The following ARHGAP28 variants were observed in gnomAD, a reference collection of about 807,000 sequenced individuals.
The protein encoded by ARHGAP28 is rho GTPase-activating protein 28.
ARHGAP28 carries 56 observed loss-of-function variants against 90.7 expected under a neutral mutation model. The observed-to-expected ratio is 0.62, with a 90% CI of 0.50 to 0.77. ARHGAP28 has a LOEUF of 0.77. Among genes scored for constraint, ARHGAP28 ranks in the 30% least tolerant of loss-of-function variants. The probability of loss-of-function intolerance (pLI) is 0.00; values close to 1 mark genes in which losing one functional copy is unlikely to be tolerated. For synonymous variants in ARHGAP28, 308 were observed against 323.3 expected (o/e 0.95, Z 0.51); for missense variants, 869 against 900.9 (o/e 0.96, Z 0.45).
At chr18:6,792,619 G>A (rs915572679) in intron 1 of ARHGAP28, among the ~76,000 whole-genome samples, 1 of 152,204 alleles carries the variant, frequency 6.6e-6, no homozygotes, top group African/African-American at 2.4e-5. Context: ...TACAGTGCAA[G>A]GGGGAAGCAA....
At chr18:6,819,814 C>T (rs897875176) in intron 1 of ARHGAP28, among the ~76,000 whole-genome samples, 2 of 152,206 alleles carry the variant, frequency 1.3e-5, no homozygotes, top group African/African-American at 2.4e-5. Context: ...CCCCTTGAAG[C>T]ATTTGAAACC....
At chr18:6,814,861 T>C (rs546534577) in intron 1 of ARHGAP28, among the ~76,000 whole-genome samples, 16 of 152,338 alleles carry the variant, frequency 1.1e-4, no homozygotes, top group African/African-American at 3.4e-4. Flanking sequence ...AACCTAGAGT[T>C]CACCAAGACT....
At chr18:6,818,451 T>C (rs1481994863) in intron 1 of ARHGAP28, among the ~76,000 whole-genome samples, 3 of 152,204 alleles carry the variant, frequency 2.0e-5, no homozygotes, top group Non-Finnish European at 4.4e-5. Flanking sequence ...GTTGTTTTCC[T>C]TTGCCACACA....
chr18:6,885,602 C>T (rs1004228244), intron 11 of ARHGAP28, among the ~76,000 whole-genome samples: 5 of 152,080 alleles, frequency 3.3e-5, no homozygotes, highest in African/African-American at 9.7e-5. Context: ...ATACTTGTGA[C>T]GGGGATGTAT....
At chr18:6,892,947 G>A (rs991192491) in intron 14 of ARHGAP28, among the ~76,000 whole-genome samples, 1 of 152,148 alleles carries the variant, frequency 6.6e-6, no homozygotes, top group African/African-American at 2.4e-5. Context: ...AGAAGTTTAT[G>A]TTTTCAGCTG....
Position 6,890,535 on chromosome 18 carries a change from G to C in ARHGAP28, c.1840G>C (p.Glu614Gln). The C allele has an allele frequency of 4.4e-6, 7 of 1,607,390 alleles. No individual in the cohort carries two copies. Among genetic ancestry groups the C allele is most frequent in the Non-Finnish European group, 5.9e-6 (7 of 1,176,980 alleles). ...GAAGCTGCTCAGGAGGAAGACCCTCGAGCGGGAGGTAAGACAGCAAATGAG... is the reference window on the plus strand; with the variant it reads ...GAAGCTGCTCAGGAGGAAGACCCTCCAGCGGGAGGTAAGACAGCAAATGAG... Reference protein sequence around the residue: ...VRKLLRRKTLERETASPKTSK... With the variant: ...VRKLLRRKTLQRETASPKTSK... The change falls in exon 14 of 18, where the codon GAG becomes CAG. Residue 614 changes from glutamate (E) to glutamine (Q), a missense_variant. Physicochemically the swap from Glu to Gln is conservative, Grantham distance 29. Coordinates refer to ENST00000383472, the MANE Select transcript of ARHGAP28 (RefSeq NM_001366230.1).
Position 6,782,592 on chromosome 18 carries a change from ATTTTTTTTTTTTTTTTTTTTT to A in ARHGAP28, c.123-42153_123-42133del, listed in dbSNP as rs10602816. Among the ~76,000 whole-genome samples the A allele has an allele frequency of 6.0e-4, 16 of 26,674 alleles. 1 individual carries two copies. Among genetic ancestry groups the A allele is most frequent in the Non-Finnish European group, 1.1e-3 (13 of 12,334 alleles). The allele number at this position is 26,674 out of a possible 152,430, so 17.5% of individuals were successfully genotyped here. A position where few individuals can be genotyped will look rare whatever the true frequency, so the allele number is the denominator to read the frequency against. The stretch of plus-strand genomic sequence containing the variant: ...GCCATCACGCCCAGCTAATTTTTGT[ATTTTTTTTTTTTTTTTTTTTT>A]TTTTTTTTTTTTTTTTAGTAGAGAC... On this transcript the variant is annotated intron_variant, in intron 1 of 17. Coordinates refer to ENST00000383472, the MANE Select transcript of ARHGAP28 (RefSeq NM_001366230.1).
intron 9 of ARHGAP28, chr18:6,875,059 G>A (rs2057120453): frequency 6.6e-6 from 1 of 152,150 alleles, no homozygotes; most frequent in South Asian, 2.1e-4. Flanking sequence ...TCTTTGTCCT[G>A]TATGTAAAGG....
At position 6,777,026 on chromosome 18, in the gene ARHGAP28, A is replaced by C. The variant is rs146129121; in HGVS notation, c.122+47083A>C. Among the ~76,000 whole-genome samples the C allele has an allele frequency of 1.4e-3, 217 of 152,308 alleles. 1 individual carries two copies. The highest frequency in any genetic ancestry group is 5.0e-3 in the African/African-American group (207 of 41,566). On this transcript the variant is annotated intron_variant, in intron 1 of 17. Transcript: ENST00000383472. ...TCCCAACAATTGGGGAACTTTTATCAAATGATTGTTAATAAGAGAATGACA... is the reference window on the plus strand; with the variant it reads ...TCCCAACAATTGGGGAACTTTTATCCAATGATTGTTAATAAGAGAATGACA...
chr18:6,809,241 T>C (rs547131418), intron 1 of ARHGAP28, among the ~76,000 whole-genome samples: 1 of 152,318 alleles, frequency 6.6e-6, no homozygotes, highest in Admixed American at 6.5e-5. Context: ...TTCTAGTTGT[T>C]TATAGTGGGA....
intron 1 of ARHGAP28, among the ~76,000 whole-genome samples, chr18:6,777,674 A>C (rs919387788): frequency 1.3e-5 from 2 of 152,248 alleles, no homozygotes; most frequent in South Asian, 4.2e-4. Flanking sequence ...GCAGTGATCT[A>C]TGATTGCACC....
At chr18:6,827,307 G>C (rs1014763922) in intron 2 of ARHGAP28, among the ~76,000 whole-genome samples, 4 of 150,114 alleles carry the variant, frequency 2.7e-5, no homozygotes, top group Non-Finnish European at 4.5e-5. Flanking sequence ...GCGGCTGGCC[G>C]GGCGGGGGGC....
rs542614924 is a variant in ARHGAP28, at chr18:6,870,853, T to C, written c.954+121T>C. On this transcript the variant is annotated intron_variant, in intron 7 of 17. Transcript: ENST00000383472. ...CTCGCTCTATTGCCCCAGGCTGGAG[T>C]GCAGTGGCGCGATCTCGGCTCACTG... 1.0e-3 allele frequency: 1,090 copies of C among 1,070,758 alleles called. 5 individuals are homozygous for C. The African/African-American group carries it at 0.012, about 12-fold the overall frequency. 66.3% of individuals were successfully genotyped at this position (1,070,758 alleles called of 1,614,324 possible).
chr18:6,870,785 C>CA, intron 7 of ARHGAP28, 53 bp downstream of exon 7: 1 of 1,489,512 alleles, frequency 6.7e-7, no homozygotes, highest in African/African-American at 1.4e-5. Context: ...CTTCATAGGA[C>CA]AAAACTAAGA....
intron 1 of ARHGAP28, among the ~76,000 whole-genome samples, chr18:6,761,798 C>A (rs1427493860): frequency 6.6e-6 from 1 of 152,148 alleles, no homozygotes; most frequent in Admixed American, 6.5e-5. Context: ...TTAGCTTTGC[C>A]ATTTTGTAGC....
chr18:6,772,538 T>C (rs1054293715), intron 1 of ARHGAP28, among the ~76,000 whole-genome samples: 6 of 152,198 alleles, frequency 3.9e-5, no homozygotes, highest in Admixed American at 3.9e-4. Context: ...TTCAATACAT[T>C]ATATGAGATA....
At chr18:6,823,892 G>A (rs1305404013) in intron 1 of ARHGAP28, among the ~76,000 whole-genome samples, 2 of 152,064 alleles carry the variant, frequency 1.3e-5, no homozygotes, top group African/African-American at 4.8e-5. Context: ...GATTACAGAT[G>A]CATGTATGGT....
intron 1 of ARHGAP28, among the ~76,000 whole-genome samples, chr18:6,742,900 C>A (rs1201347685): frequency 6.6e-6 from 1 of 152,088 alleles, no homozygotes; most frequent in African/African-American, 2.4e-5. Flanking sequence ...GATCAGACAG[C>A]CACATCAAAA....
chr18:6,863,941 C>T (rs2057017972), intron 5 of ARHGAP28, among the ~76,000 whole-genome samples: 1 of 152,020 alleles, frequency 6.6e-6, no homozygotes, highest in South Asian at 2.1e-4. Flanking sequence ...CGCCACCACA[C>T]CCAGCTAATT....
Sources: allele counts gnomAD v4.1 joint callset (sites outside exome capture counted in the v4.1 genomes callset), GRCh38; gene constraint gnomAD v4.1.1; transcripts MANE v1.5; gene names NCBI Gene and HGNC (gene_info 2026-07-23, HGNC 2026-07-21).